The following RPL5 variants were observed in gnomAD, a reference collection of about 807,000 sequenced individuals.
The protein encoded by RPL5 is large ribosomal subunit protein uL18.
In RPL5, 1 loss-of-function variant was observed where a neutral mutation model predicts 38.4. The ratio of observed to expected loss-of-function variants is 0.03; its 90% CI spans 0.01 to 0.12. The LOEUF is 0.12. Ranked by LOEUF, RPL5 falls within the 10% of genes least tolerant of loss-of-function variation. The pLI, the probability that RPL5 is intolerant of heterozygous loss-of-function variation, is 1.00. For missense variants in RPL5, 243 were observed against 374.1 expected, an observed-to-expected ratio of 0.65 and a Z score of 2.89; for synonymous variants, 109 against 121.2, an observed-to-expected ratio of 0.90 and a Z score of 0.66.
At position 92,833,380 on chromosome 1, in the gene RPL5, T is replaced by C. The variant is rs943313650; in HGVS notation, c.4-9T>C. 4 of 1,603,662 alleles carry C rather than the reference T, an allele frequency of 2.5e-6. No homozygotes were observed. The highest frequency in any genetic ancestry group is 3.4e-4 in the Middle Eastern group (2 of 5,928). ...ATCAAAGTTTTAATAACATTCTTTT[T>C]TCTTTAAGGGGTTTGTTAAAGTTGT... On this transcript the variant is annotated splice_polypyrimidine_tract_variant and intron_variant, in intron 1 of 7. Coordinates refer to ENST00000370321, the MANE Select transcript of RPL5 (RefSeq NM_000969.5).
At chr1:92,839,462 G>C (rs1251288770) in intron 6 of RPL5, among the ~76,000 whole-genome samples, 1 of 152,162 alleles carries the variant, frequency 6.6e-6, no homozygotes, top group African/African-American at 2.4e-5. Context: ...CTAGATACTA[G>C]GGATAGATTG....
intron 5 of RPL5, 46 bp downstream of exon 5, chr1:92,836,438 C>T: frequency 6.4e-7 from 1 of 1,554,080 alleles, no homozygotes; most frequent in Non-Finnish European, 8.9e-7. Flanking sequence ...GTGGTACTTC[C>T]CTGTTTTTAA....
At position 92,833,372 on chromosome 1, in the gene RPL5, A is replaced by G; in HGVS notation, c.4-17A>G. 1 of 1,593,094 alleles carries G rather than the reference A, an allele frequency of 6.3e-7. No individual in the cohort carries two copies. The highest frequency in any genetic ancestry group is 8.6e-7 in the Non-Finnish European group (1 of 1,161,286). The stretch of plus-strand genomic sequence containing the variant: ...GCTAAGACATCAAAGTTTTAATAAC[A>G]TTCTTTTTTCTTTAAGGGGTTTGTT... On this transcript the variant is annotated splice_polypyrimidine_tract_variant and intron_variant, in intron 1 of 7. Transcript: ENST00000370321.
At chr1:92,834,334 G>C (rs1687033217) in intron 3 of RPL5, among the ~76,000 whole-genome samples, 1 of 152,242 alleles carries the variant, frequency 6.6e-6, no homozygotes, top group African/African-American at 2.4e-5. Context: ...TTTAGGAAGT[G>C]TCAGTTTTGC....
chr1:92,834,638 T>G, intron 3 of RPL5, 141 bp from the exon 4 acceptor site: 1 of 1,094,266 alleles, frequency 9.1e-7, no homozygotes, highest in Non-Finnish European at 1.4e-6. Flanking sequence ...AATTTACTGG[T>G]AACCCAGCTA....
chr1:92,833,796 T>TA, intron 3 of RPL5, 136 bp downstream of exon 3: 1 of 719,804 alleles, frequency 1.4e-6, no homozygotes, highest in Non-Finnish European at 2.4e-6. Context: ...TTCCTTTTAG[T>TA]AGGTCTAGAA....
chr1:92,832,036 T>C, upstream of RPL5: 2 of 1,600,458 alleles, frequency 1.2e-6, no homozygotes, highest in South Asian at 2.2e-5. Context: ...GCAAGGGCTG[T>C]GGCCCTTTTC....
intron 5 of RPL5, 48 bp from the exon 6 acceptor site, chr1:92,837,408 A>T (rs763197787): frequency 2.0e-6 from 3 of 1,517,852 alleles, no homozygotes; most frequent in Non-Finnish European, 1.8e-6. Context: ...CTTACTAGTA[A>T]ACTAAGTTAA....
Position 92,841,917 on chromosome 1 carries a change from A to G in RPL5, c.*52A>G. 5 of 1,355,106 alleles carry G rather than the reference A, an allele frequency of 3.7e-6. No individual in the cohort carries two copies. The highest frequency in any genetic ancestry group is 5.2e-6 in the Non-Finnish European group (5 of 953,648). The allele number at this position is 1,355,106 out of a possible 1,614,324, so 83.9% of individuals were successfully genotyped here. On this transcript the variant is annotated 3_prime_UTR_variant, in exon 8 of 8. Transcript: ENST00000370321. ...AGATATAGATAATAAACTTATGAAC[A>G]GCAACTATTTCTGTGTTAAGCTCTT...
intron 6 of RPL5, among the ~76,000 whole-genome samples, chr1:92,838,427 TC>T (rs1687208061): frequency 6.6e-6 from 1 of 152,342 alleles, no homozygotes; most frequent in Admixed American, 6.5e-5. Context: ...AAAATTTACT[TC>T]CTAACCTATA....
rs775463439 is a variant in RPL5 at position 92,841,742 on chromosome 1, A to AT, written c.795-24_795-23insT. The AT allele has an allele frequency of 4.0e-6, 6 of 1,513,168 alleles. No homozygotes were observed. The African/African-American group carries it at 5.5e-5, about 14-fold the overall frequency. 93.7% of individuals were successfully genotyped at this position (1,513,168 alleles called of 1,614,324 possible). ...TATTCTCTTCAGTTATAGTTTAAAA[A>AT]ATATATATTCCTATCTTTTGTAGGT... On this transcript the variant is annotated intron_variant, in intron 7 of 7. Coordinates refer to ENST00000370321, the MANE Select transcript of RPL5 (RefSeq NM_000969.5).
intron 7 of RPL5, chr1:92,840,937 A>G (rs1434984001): frequency 2.0e-6 from 1 of 494,148 alleles, no homozygotes; most frequent in Admixed American, 2.4e-5. Flanking sequence ...TGGAATAGAA[A>G]GTAATACTTA....
Position 92,832,613 on chromosome 1 carries a change from C to T in RPL5, c.3+496C>T, listed in dbSNP as rs542221931. 1.0e-3 allele frequency: 302 copies of T among 302,136 alleles called. 4 individuals are homozygous for T. The highest frequency in any genetic ancestry group is 8.5e-3 in the South Asian group (185 of 21,796). 18.7% of individuals were successfully genotyped at this position (302,136 alleles called of 1,614,324 possible). On this transcript the variant is annotated intron_variant, in intron 1 of 7. Transcript: ENST00000370321. The stretch of plus-strand genomic sequence containing the variant: ...TTGTGCCCGTGGGCTGAGCAAGTGG[C>T]TTTTAAGCCAAAATTGTCAGTGGAG...
chr1:92,840,882 C>T, intron 7 of RPL5: 2 of 611,508 alleles, frequency 3.3e-6, no homozygotes, highest in Non-Finnish European at 6.1e-6. Context: ...TTTTTATTGG[C>T]TGACAAGTTG....
At position 92,840,642 on chromosome 1, in the gene RPL5, ATGTCGTC is replaced by A; in HGVS notation, c.794+5_794+11del. Reference sequence around the variant, plus strand: ...AAGAAAGAAGTTAAAAAGAAGAGGTATGTCGTCTTTTTTTTTGTCTTTTCAAGAAAAC... The same window carrying A: ...AAGAAAGAAGTTAAAAAGAAGAGGTATTTTTTTTTGTCTTTTCAAGAAAAC... On this transcript the variant is annotated splice_donor_5th_base_variant and intron_variant, in intron 7 of 7. Transcript: ENST00000370321. 1.2e-6 allele frequency: 2 copies of A among 1,603,914 alleles called. No homozygotes were observed. The highest frequency in any genetic ancestry group is 1.7e-4 in the Middle Eastern group (1 of 6,054).
chr1:92,841,359 T>G (rs1389219190), intron 7 of RPL5, among the ~76,000 whole-genome samples: 2 of 152,230 alleles, frequency 1.3e-5, no homozygotes, highest in East Asian at 3.8e-4. Context: ...TCCATCATTT[T>G]TAAAGACTGG....
chr1:92,837,737 C>T lies in RPL5; in HGVS notation c.705+104C>T, dbSNP rs1055372293. The T allele has an allele frequency of 4.5e-6, 4 of 887,174 alleles. No individual in the cohort carries two copies. The African/African-American group carries it at 5.0e-5, about 11-fold the overall frequency. The allele number at this position is 887,174 out of a possible 1,614,324, so 55.0% of individuals were successfully genotyped here. A position where few individuals can be genotyped will look rare whatever the true frequency, so the allele number is the denominator to read the frequency against. On this transcript the variant is annotated intron_variant, in intron 6 of 7. Transcript: ENST00000370321. ...ATTCTTATATAGGTGTGTTTCTTGACAACATGAGCTAGACTTGTCAACATT... is the reference window on the plus strand; with the variant it reads ...ATTCTTATATAGGTGTGTTTCTTGATAACATGAGCTAGACTTGTCAACATT...
chr1:92,836,527 G>A (rs1687135741), intron 5 of RPL5, 135 bp downstream of exon 5: 1 of 785,290 alleles, frequency 1.3e-6, no homozygotes. Context: ...CCATGCAGGA[G>A]GAACCTAGTA....
chr1:92,836,385 C>T lies in RPL5; in HGVS notation c.520C>T (p.Pro174Ser). Residue 174 changes from proline (P) to serine (S), a missense_variant, in exon 5 of 8, where the codon CCT becomes TCT. Pro to Ser is a moderately conservative substitution (Grantham distance 74, BLOSUM62 -1). Transcript: ENST00000370321. ...AGCTGTGGATGGAGGCTTGTCTATC[C>T]CTCACAGGTAAGAATACTATTTAAG... ...KGAVDGGLSI[P>S]HSTKRFPGYD... 6.2e-7 allele frequency: 1 copy of T among 1,613,978 alleles called. No homozygotes were observed.
Sources: allele counts gnomAD v4.1 joint callset (sites outside exome capture counted in the v4.1 genomes callset), GRCh38; gene constraint gnomAD v4.1.1; transcripts MANE v1.5; gene names NCBI Gene and HGNC (gene_info 2026-07-23, HGNC 2026-07-21).